PTPRM: variants seen among roughly 807,000 people sequenced by gnomAD.
PTPRM encodes receptor-type tyrosine-protein phosphatase mu.
In PTPRM, 47 loss-of-function variants were observed where a neutral mutation model predicts 186.7. The ratio of observed to expected loss-of-function variants is 0.25; its 90% CI spans 0.20 to 0.32. The LOEUF (loss-of-function observed/expected upper bound fraction) is 0.32, where lower values mean the gene tolerates loss of function less well. Among genes scored for constraint, PTPRM ranks in the 10% least tolerant of loss-of-function variants. PTPRM has a pLI of 1.00. For synonymous variants in PTPRM, 668 were observed against 674.9 expected, an observed-to-expected ratio of 0.99 and a Z score of 0.16; for missense variants, 1,494 against 1,865.0, an observed-to-expected ratio of 0.80 and a Z score of 3.66.
chr18:7,888,068 G>C, intron 2 of PTPRM, 38 bp from the exon 3 acceptor site: 1 of 1,613,600 alleles, frequency 6.2e-7, no homozygotes, highest in Non-Finnish European at 8.5e-7. Context: ...AGAAAGTAGT[G>C]TTTCAGGGTA....
intron 14 of PTPRM, among the ~76,000 whole-genome samples, chr18:8,178,943 G>C (rs150669476): frequency 3.3e-5 from 5 of 152,066 alleles, no homozygotes; most frequent in African/African-American, 1.2e-4. Flanking sequence ...CACCTCTTAA[G>C]GTCCCAAGAT....
chr18:8,090,690 G>T (rs1186975254), intron 11 of PTPRM, among the ~76,000 whole-genome samples: 3 of 152,126 alleles, frequency 2.0e-5, no homozygotes, highest in Non-Finnish European at 4.4e-5. Flanking sequence ...CTGCCTCCCA[G>T]GTTCAAGCGA....
intron 17 of PTPRM, 171 bp downstream of exon 17, chr18:8,248,347 TA>T (rs1568599482): frequency 1.4e-6 from 1 of 732,826 alleles, no homozygotes; most frequent in African/African-American, 1.7e-5. Flanking sequence ...GACTTTTCTC[TA>T]AACAGTCGCC....
At chr18:8,000,319 A>G (rs981747004) in intron 7 of PTPRM, among the ~76,000 whole-genome samples, 1 of 152,236 alleles carries the variant, frequency 6.6e-6, no homozygotes, top group Admixed American at 6.5e-5. Context: ...GCAAAAGTCC[A>G]TAGTTAGATA....
intron 14 of PTPRM, among the ~76,000 whole-genome samples, chr18:8,240,773 A>AGAGG (rs1325909374): frequency 1.8e-3 from 105 of 57,690 alleles, no homozygotes; most frequent in East Asian, 4.1e-3. Flanking sequence ...AGGGAGAGAG[A>AGAGG]GAGGGAGAGA....
intron 20 of PTPRM, among the ~76,000 whole-genome samples, chr18:8,309,942 T>C (rs1245448589): frequency 6.6e-6 from 1 of 152,164 alleles, no homozygotes; most frequent in Non-Finnish European, 1.5e-5. Flanking sequence ...AAGGAGAATT[T>C]ATACCCAACA....
intron 14 of PTPRM, among the ~76,000 whole-genome samples, chr18:8,200,448 AT>A (rs2093839170): frequency 6.6e-6 from 1 of 152,184 alleles, no homozygotes; most frequent in Non-Finnish European, 1.5e-5. Context: ...ATTTGACTTG[AT>A]TTCACCCTTC....
At chr18:7,977,976 A>G (rs752132977) in intron 7 of PTPRM, among the ~76,000 whole-genome samples, 1 of 152,208 alleles carries the variant, frequency 6.6e-6, no homozygotes, top group Non-Finnish European at 1.5e-5. Flanking sequence ...AATCTTGTTG[A>G]CTGGGAAACT....
intron 14 of PTPRM, among the ~76,000 whole-genome samples, chr18:8,194,275 AT>A (rs2093746007): frequency 6.6e-6 from 1 of 152,230 alleles, no homozygotes; most frequent in Non-Finnish European, 1.5e-5. Flanking sequence ...GGTTGTATCC[AT>A]AATGGTTTTG....
chr18:8,349,394 C>T (rs893179280), intron 23 of PTPRM, among the ~76,000 whole-genome samples: 2 of 152,196 alleles, frequency 1.3e-5, no homozygotes, highest in African/African-American at 4.8e-5. Flanking sequence ...CCGTCTTGAG[C>T]ACTCACTGTT....
intron 19 of PTPRM, among the ~76,000 whole-genome samples, chr18:8,261,166 C>T (rs1434590649): frequency 6.6e-6 from 1 of 152,132 alleles, no homozygotes; most frequent in Non-Finnish European, 1.5e-5. Flanking sequence ...AATCAATTGG[C>T]ACAATCAGTG....
intron 1 of PTPRM, among the ~76,000 whole-genome samples, chr18:7,642,043 A>T (rs748122623): frequency 9.9e-5 from 15 of 152,208 alleles, no homozygotes; most frequent in Non-Finnish European, 1.6e-4. Flanking sequence ...TCTGTGTTCT[A>T]CCTGCTTCCG....
chr18:8,325,026 G>A (rs1444992997), intron 22 of PTPRM, among the ~76,000 whole-genome samples: 1 of 152,162 alleles, frequency 6.6e-6, no homozygotes, highest in Non-Finnish European at 1.5e-5. Context: ...ACAGACTCTG[G>A]AACTACATTG....
chr18:8,343,059 A>G (rs12606738), intron 22 of PTPRM, among the ~76,000 whole-genome samples: 9,271 of 152,304 alleles, frequency 0.061, 736 homozygotes, highest in Admixed American at 0.2. Context: ...GATATCTGCT[A>G]ATTGTTAGCA....
At position 8,118,811 on chromosome 18, in the gene PTPRM, A is replaced by AAAAT. The variant is rs372020679; in HGVS notation, c.2167+3985_2167+3986insAATA. Among the ~76,000 whole-genome samples, 472 of 128,340 alleles carry AAAAT rather than the reference A, an allele frequency of 3.7e-3. 1 individual carries two copies. The highest frequency in any genetic ancestry group is 0.011 in the African/African-American group (394 of 34,752). 84.2% of individuals were successfully genotyped at this position (128,340 alleles called of 152,430 possible). A position where few individuals can be genotyped will look rare whatever the true frequency, so the allele number is the denominator to read the frequency against. The stretch of plus-strand genomic sequence containing the variant: ...TGACATTCCATCTCAAAAAAAAAAA[A>AAAAT]ATATATATATATATATATATATGAG... On this transcript the variant is annotated intron_variant, in intron 13 of 32. Transcript: ENST00000580170.
At chr18:7,901,288 A>G (rs2049666386) in intron 3 of PTPRM, among the ~76,000 whole-genome samples, 2 of 152,240 alleles carry the variant, frequency 1.3e-5, no homozygotes, top group Admixed American at 6.5e-5. Context: ...AGAGTTCACA[A>G]CAGTGGAACC....
intron 7 of PTPRM, among the ~76,000 whole-genome samples, chr18:7,999,073 G>A (rs567052892): frequency 1.1e-4 from 16 of 152,256 alleles, no homozygotes; most frequent in Middle Eastern, 3.4e-3. Context: ...AGTAGTCAGA[G>A]CCTATATTGG....
chr18:8,215,950 C>T (rs2094079020), intron 14 of PTPRM, among the ~76,000 whole-genome samples: 2 of 152,114 alleles, frequency 1.3e-5, no homozygotes, highest in African/African-American at 2.4e-5. Flanking sequence ...AACCCAGCCC[C>T]CTGTCTGTCA....
At chr18:7,742,235 G>T (rs1223756210) in intron 1 of PTPRM, among the ~76,000 whole-genome samples, 1 of 152,148 alleles carries the variant, frequency 6.6e-6, no homozygotes, top group African/African-American at 2.4e-5. Context: ...TTAAGTTACA[G>T]TGACTAAAAA....
Sources: gnomAD v4.1 joint callset for allele counts (sites outside exome capture counted in the v4.1 genomes callset) on GRCh38, gnomAD v4.1.1 for gene constraint, MANE v1.5 for transcripts, NCBI Gene and HGNC (gene_info 2026-07-23, HGNC 2026-07-21) for gene names.